The following TCEANC2 variants were observed in gnomAD, a reference collection of about 807,000 sequenced individuals.
TCEANC2 encodes transcription elongation factor A N-terminal and central domain-containing protein 2.
In TCEANC2, 20 loss-of-function variants were observed where a neutral mutation model predicts 22.8. The observed-to-expected ratio is 0.88, with a 90% CI of 0.62 to 1.28. The LOEUF is 1.28. Ranked by LOEUF, TCEANC2 falls within the 50% of genes most tolerant of loss-of-function variation. The probability of loss-of-function intolerance (pLI) is 0.00; values close to 1 mark genes in which losing one functional copy is unlikely to be tolerated. For synonymous variants in TCEANC2, 84 were observed against 95.5 expected, an observed-to-expected ratio of 0.88 and a Z score of 0.70; for missense variants, 251 against 249.7, an observed-to-expected ratio of 1.01 and a Z score of -0.03.
At chr1:54,060,442 G>A (rs548792655) in intron 2 of TCEANC2, among the ~76,000 whole-genome samples, 8 of 151,332 alleles carry the variant, frequency 5.3e-5, no homozygotes, top group South Asian at 2.1e-4. Flanking sequence ...GGTGGCATGC[G>A]CCTATGGTCC....
intron 3 of TCEANC2, among the ~76,000 whole-genome samples, chr1:54,080,437 C>T (rs975250769): frequency 2.0e-5 from 3 of 152,192 alleles, no homozygotes; most frequent in Non-Finnish European, 2.9e-5. Context: ...TGAGCCACTG[C>T]GCCTGGCTGA....
rs554876781 is a variant in TCEANC2, at chr1:54,096,455, A to G, written c.609A>G (p.Val203=). ...KSGSLPVGTF[V]QTHKK is the part of the protein sequence containing the mutation. ...GCTCGCTGCCAGTCGGCACGTTTGT[A>G]CAGACCCACAAAAAGTGACCTGAGG... Residue 203 remains valine, a synonymous_variant, in exon 5 of 5, where the codon GTA becomes GTG. Transcript: ENST00000234827. This position sits in a 1 kb window ranked among gnomAD's most constrained non-coding sequence, Gnocchi z 4.9. 2.5e-6 allele frequency: 4 copies of G among 1,605,360 alleles called. No homozygotes were observed. In the South Asian group the frequency reaches 4.4e-5, roughly 18 times the overall value.
rs1488756418 is a variant in TCEANC2, at chr1:54,102,320, C to G, written c.*5847C>G. 6.6e-6 allele frequency: 1 copy of G among 152,188 alleles called. No individual in the cohort carries two copies. Among genetic ancestry groups the G allele is most frequent in the East Asian group, 1.9e-4 (1 of 5,196 alleles). The allele number at this position is 152,188 out of a possible 1,614,324, so 9.4% of individuals were successfully genotyped here. ...TGCCTGTGAAGTTTATGACAAGACC[C>G]TACAGGAGAATCACAATGTAGACAC... On this transcript the variant is annotated 3_prime_UTR_variant, in exon 5 of 5. Transcript: ENST00000234827.
intron 2 of TCEANC2, among the ~76,000 whole-genome samples, chr1:54,062,814 G>A (rs932307714): frequency 1.1e-4 from 16 of 152,228 alleles, no homozygotes; most frequent in African/African-American, 2.2e-4. Flanking sequence ...ATAGTTTGGC[G>A]TATCTGGAGC....
chr1:54,109,586 T>C (rs1658810362), downstream of TCEANC2, among the ~76,000 whole-genome samples: 1 of 152,244 alleles, frequency 6.6e-6, no homozygotes, highest in Non-Finnish European at 1.5e-5. Flanking sequence ...TTTCGTTATC[T>C]GTTTCCCTCT....
chr1:54,062,286 C>T (rs1338884370), intron 2 of TCEANC2, among the ~76,000 whole-genome samples: 1 of 152,168 alleles, frequency 6.6e-6, no homozygotes, highest in African/African-American at 2.4e-5. Flanking sequence ...TTGTAGTGTC[C>T]TTATTGATAT....
chr1:54,066,063 A>G (rs1209298103), intron 2 of TCEANC2, among the ~76,000 whole-genome samples: 1 of 151,970 alleles, frequency 6.6e-6, no homozygotes, highest in Non-Finnish European at 1.5e-5. Context: ...AGCCTGGGCG[A>G]CAGAACAAGA....
chr1:54,108,139 C>T (rs937255825), downstream of TCEANC2, among the ~76,000 whole-genome samples: 1 of 152,214 alleles, frequency 6.6e-6, no homozygotes, highest in African/African-American at 2.4e-5. Flanking sequence ...CTCTTTCACC[C>T]CTTTAAGTGG....
chr1:54,095,575 G>A (rs1242534796), intron 4 of TCEANC2, among the ~76,000 whole-genome samples: 1 of 152,204 alleles, frequency 6.6e-6, no homozygotes, highest in African/African-American at 2.4e-5. Flanking sequence ...GCCTGAGCCA[G>A]ACCACCCCAG....
intron 3 of TCEANC2, among the ~76,000 whole-genome samples, chr1:54,071,624 C>G (rs933151605): frequency 7.2e-5 from 11 of 152,176 alleles, no homozygotes; most frequent in African/African-American, 2.2e-4. Flanking sequence ...ATTGGTCACA[C>G]AGACCAACGC....
intron 3 of TCEANC2, among the ~76,000 whole-genome samples, chr1:54,074,382 G>C (rs1258639259): frequency 6.6e-6 from 1 of 152,078 alleles, no homozygotes; most frequent in African/African-American, 2.4e-5. Context: ...AGAATGGCGT[G>C]AACCCGGGGG....
At chr1:54,064,772 T>C (rs1175221314) in intron 2 of TCEANC2, among the ~76,000 whole-genome samples, 4 of 143,806 alleles carry the variant, frequency 2.8e-5, no homozygotes, top group Admixed American at 1.5e-4. Context: ...CGATCTCGGC[T>C]CACTGCACCC....
chr1:54,097,058 C>T lies in TCEANC2; in HGVS notation c.*585C>T. On this transcript the variant is annotated 3_prime_UTR_variant, in exon 5 of 5. Transcript: ENST00000234827. ...GACCTTCTGCGTTGGTCTCCAGAGC[C>T]CCCATGCTGAGGCTACTAATGAGGA... The T allele has an allele frequency of 1.1e-6, 1 of 917,086 alleles. No individual in the cohort carries two copies. Among genetic ancestry groups the T allele is most frequent in the Non-Finnish European group, 1.3e-6 (1 of 767,340 alleles). The allele number at this position is 917,086 out of a possible 1,614,324, so 56.8% of individuals were successfully genotyped here.
chr1:54,054,868 G>T lies in TCEANC2; in HGVS notation c.102+344G>T, dbSNP rs545210347. ...CCTACCCTGTACAAACTTATTAAGG[G>T]GTGGGCTTTGATGCTGTTCTCTCAC... On this transcript the variant is annotated intron_variant, in intron 2 of 4. Transcript: ENST00000234827. Among the ~76,000 whole-genome samples the T allele has an allele frequency of 2.6e-5, 4 of 152,290 alleles. No homozygotes were observed. In the South Asian group the frequency reaches 8.3e-4, roughly 32 times the overall value.
chr1:54,076,229 T>C (rs1026006076), intron 3 of TCEANC2, among the ~76,000 whole-genome samples: 14 of 152,160 alleles, frequency 9.2e-5, no homozygotes, highest in Admixed American at 2.6e-4. Context: ...ATAGTTGTGT[T>C]TTCTGCTCAT....
chr1:54,084,008 G>A (rs777858491), intron 3 of TCEANC2, among the ~76,000 whole-genome samples: 11 of 144,226 alleles, frequency 7.6e-5, no homozygotes, highest in Non-Finnish European at 1.7e-4. Flanking sequence ...TTTTAGTTTA[G>A]TGTTTTGTCG....
chr1:54,096,577 CT>C lies in TCEANC2; in HGVS notation c.*105del. 2.1e-6 allele frequency: 3 copies of C among 1,452,732 alleles called. No individual in the cohort carries two copies. The highest frequency in any genetic ancestry group is 1.8e-6 in the Non-Finnish European group (2 of 1,097,792). The allele number at this position is 1,452,732 out of a possible 1,614,324, so 90.0% of individuals were successfully genotyped here. ...TGGGTGATGGCTGATGCTGGCTGTG[CT>C]AGATTTTCCCATGGTGCCGTTCCTT... On this transcript the variant is annotated 3_prime_UTR_variant, in exon 5 of 5. Transcript: ENST00000234827. The surrounding 1 kb of genome is among the most constrained non-coding windows in gnomAD (Gnocchi z 4.9).
chr1:54,058,404 C>T (rs186705303), intron 2 of TCEANC2, among the ~76,000 whole-genome samples: 8 of 152,284 alleles, frequency 5.3e-5, no homozygotes, highest in Admixed American at 5.2e-4. Flanking sequence ...TCTTTACATG[C>T]CTGTGCCCCG....
Position 54,096,524 on chromosome 1 carries a change from C to A in TCEANC2, c.*51C>A. 1 of 1,549,670 alleles carries A rather than the reference C, an allele frequency of 6.5e-7. No homozygotes were observed. Among genetic ancestry groups the A allele is most frequent in the South Asian group, 1.2e-5 (1 of 84,636 alleles). On this transcript the variant is annotated 3_prime_UTR_variant, in exon 5 of 5. Coordinates refer to ENST00000234827, the MANE Select transcript of TCEANC2 (RefSeq NM_153035.3). The surrounding 1 kb of genome is among the most constrained non-coding windows in gnomAD (Gnocchi z 4.9). ...CAGGCAGAGAGGAAAATGGGCCTGTCTCTGCCGTTCAAAGACGCTTTTGAG... is the reference window on the plus strand; with the variant it reads ...CAGGCAGAGAGGAAAATGGGCCTGTATCTGCCGTTCAAAGACGCTTTTGAG...
Sources: gnomAD v4.1 joint callset for allele counts (sites outside exome capture counted in the v4.1 genomes callset) on GRCh38, gnomAD v4.1.1 for gene constraint, Gnocchi (gnomAD v3.1) non-coding constraint, MANE v1.5 for transcripts, NCBI Gene and HGNC (gene_info 2026-07-23, HGNC 2026-07-21) for gene names.